The following ADAMTS17 variants were observed in gnomAD, a reference collection of about 807,000 sequenced individuals.
The protein encoded by ADAMTS17 is A disintegrin and metalloproteinase with thrombospondin motifs 17.
A neutral mutation model predicts 141.5 loss-of-function variants in ADAMTS17; 113 were observed. The observed-to-expected ratio is 0.80, with a 90% CI of 0.69 to 0.93. The LOEUF (loss-of-function observed/expected upper bound fraction) is 0.93. Among genes scored for constraint, ADAMTS17 ranks in the 40% least tolerant of loss-of-function variants. The pLI, the probability that ADAMTS17 is intolerant of heterozygous loss-of-function variation, is 0.00. For synonymous variants in ADAMTS17, 768 were observed against 630.6 expected (o/e 1.22, Z -3.27); for missense variants, 1,659 against 1,517.9 (o/e 1.09, Z -1.54).
intron 7 of ADAMTS17, among the ~76,000 whole-genome samples, chr15:100,209,088 T>C (rs1332619244): frequency 8.3e-6 from 1 of 121,088 alleles, no homozygotes; most frequent in Non-Finnish European, 1.6e-5. Context: ...TGCAAGGCCA[T>C]GCATGGAAAT....
At position 100,109,113 on chromosome 15, in the gene ADAMTS17, T is replaced by A; in HGVS notation, c.1892A>T (p.Lys631Met). Residue 631 changes from lysine to methionine, a missense_variant, in exon 14 of 22, where the codon AAG becomes ATG. Lys to Met is a moderately conservative substitution (Grantham distance 95). Transcript: ENST00000268070. ...GLLTAVVVDD[K>M]PCELYCSPLG... is the part of the protein sequence containing the mutation. The stretch of plus-strand genomic sequence containing the variant: ...GGGCGAGCAGTAGAGTTCACATGGC[T>A]TATCTGAGGAGGGAAAGGTTGGAGG... The A allele has an allele frequency of 6.2e-7, 1 of 1,611,108 alleles. No homozygotes were observed.
intron 8 of ADAMTS17, among the ~76,000 whole-genome samples, chr15:100,175,143 G>GA (rs1327793233): frequency 6.6e-6 from 1 of 152,174 alleles, no homozygotes; most frequent in African/African-American, 2.4e-5. Flanking sequence ...ACAAGAATCA[G>GA]AAAAAGCAAG....
chr15:100,043,896 T>C (rs2031469112), intron 18 of ADAMTS17, among the ~76,000 whole-genome samples: 1 of 152,380 alleles, frequency 6.6e-6, no homozygotes, highest in East Asian at 1.9e-4. Flanking sequence ...GAACTTTCTG[T>C]AGCAATACAC....
At chr15:100,169,145 G>A (rs2040064434) in intron 8 of ADAMTS17, among the ~76,000 whole-genome samples, 1 of 152,184 alleles carries the variant, frequency 6.6e-6, no homozygotes, top group Admixed American at 6.5e-5. Flanking sequence ...GCCTCGGGAA[G>A]CCCAAGGCAT....
chr15:100,184,222 A>G (rs2040624330), intron 8 of ADAMTS17, among the ~76,000 whole-genome samples: 2 of 152,048 alleles, frequency 1.3e-5, no homozygotes, highest in Admixed American at 1.3e-4. Flanking sequence ...TCCCCAGTCC[A>G]TTGGCCAGGG....
intron 10 of ADAMTS17, among the ~76,000 whole-genome samples, chr15:100,143,898 C>G (rs2038775436): frequency 6.6e-6 from 1 of 152,166 alleles, no homozygotes; most frequent in African/African-American, 2.4e-5. Context: ...GGTCTTAAAA[C>G]AGCTATGAAT....
At chr15:100,196,973 T>C (rs1308063635) in intron 8 of ADAMTS17, among the ~76,000 whole-genome samples, 1 of 152,226 alleles carries the variant, frequency 6.6e-6, no homozygotes, top group Non-Finnish European at 1.5e-5. Context: ...GTGTTTGTTT[T>C]TGTCGGTAAT....
intron 17 of ADAMTS17, among the ~76,000 whole-genome samples, chr15:100,050,635 A>G (rs2032067107): frequency 6.6e-6 from 1 of 152,248 alleles, no homozygotes; most frequent in Non-Finnish European, 1.5e-5. Flanking sequence ...GCAATGCTTT[A>G]CATATTGGAC....
intron 7 of ADAMTS17, among the ~76,000 whole-genome samples, chr15:100,248,962 C>A (rs1025335646): frequency 6.6e-6 from 1 of 151,904 alleles, no homozygotes; most frequent in Non-Finnish European, 1.5e-5. Flanking sequence ...CCACGCCTGG[C>A]TAATTTTTGT....
intron 9 of ADAMTS17, among the ~76,000 whole-genome samples, chr15:100,153,991 G>C (rs1280192518): frequency 6.6e-6 from 1 of 152,226 alleles, no homozygotes; most frequent in East Asian, 1.9e-4. Context: ...GGCCAGCCTG[G>C]CCAACATGGC....
rs34034839 is a variant in ADAMTS17, at chr15:100,131,758, C to T, written c.1721+249G>A. ...CTCCGAAAACCTTTCCACTGAGGCC[C>T]AGGGAAGGAATGAGGGAGTCAGCTC... On this transcript the variant is annotated intron_variant, in intron 12 of 21. Transcript: ENST00000268070. Among the ~76,000 whole-genome samples the T allele has an allele frequency of 0.36, 55,178 of 151,954 alleles. 10,393 individuals are homozygous for T. The highest frequency in any genetic ancestry group is 0.41 in the Admixed American group (6,309 of 15,266).
chr15:100,145,040 C>G (rs543517517), intron 10 of ADAMTS17, among the ~76,000 whole-genome samples: 2 of 152,290 alleles, frequency 1.3e-5, no homozygotes, highest in African/African-American at 4.8e-5. Context: ...ATTCCCTTGG[C>G]AGTGTCCAGC....
chr15:100,026,014 C>G (rs1023203400), intron 18 of ADAMTS17, among the ~76,000 whole-genome samples: 1 of 152,146 alleles, frequency 6.6e-6, no homozygotes, highest in Non-Finnish European at 1.5e-5. Context: ...CTTGTAACTA[C>G]AACTCAGATC....
chr15:100,206,737 C>T (rs577101810), intron 7 of ADAMTS17, among the ~76,000 whole-genome samples: 1 of 152,234 alleles, frequency 6.6e-6, no homozygotes, highest in South Asian at 2.1e-4. Flanking sequence ...GTCAGATATC[C>T]CCAAAGGGAA....
chr15:100,216,487 C>A (rs770536453), intron 7 of ADAMTS17, among the ~76,000 whole-genome samples: 2 of 152,224 alleles, frequency 1.3e-5, no homozygotes, highest in Non-Finnish European at 2.9e-5. Context: ...AGGCCACTCT[C>A]TTTATCTGCG....
intron 10 of ADAMTS17, among the ~76,000 whole-genome samples, chr15:100,142,464 T>C (rs948039874): frequency 6.6e-6 from 1 of 152,224 alleles, no homozygotes; most frequent in Non-Finnish European, 1.5e-5. Context: ...TGTTTCCTCC[T>C]GTCCCTCTGG....
intron 7 of ADAMTS17, among the ~76,000 whole-genome samples, chr15:100,244,974 A>G (rs776759449): frequency 6.6e-6 from 1 of 152,166 alleles, no homozygotes; most frequent in Non-Finnish European, 1.5e-5. Flanking sequence ...AACAAACCCA[A>G]TAAAGGGTCA....
At chr15:100,179,858 G>A (rs547916458) in intron 8 of ADAMTS17, among the ~76,000 whole-genome samples, 105 of 152,262 alleles carry the variant, frequency 6.9e-4, no homozygotes, top group South Asian at 6.2e-3. Context: ...TCTTTTGCGC[G>A]TTTTTAAATC....
intron 2 of ADAMTS17, among the ~76,000 whole-genome samples, chr15:100,337,027 C>T (rs994463805): frequency 6.6e-6 from 1 of 152,202 alleles, no homozygotes; most frequent in Non-Finnish European, 1.5e-5. Flanking sequence ...GCGCCCACCA[C>T]CATGCCCAGC....
Sources: allele counts gnomAD v4.1 joint callset (sites outside exome capture counted in the v4.1 genomes callset), GRCh38; gene constraint gnomAD v4.1.1; transcripts MANE v1.5; gene names NCBI Gene and HGNC (gene_info 2026-07-23, HGNC 2026-07-21).